LYPD1: variants seen among roughly 807,000 people sequenced by gnomAD.
LYPD1 encodes ly6/PLAUR domain-containing protein 1.
Under a neutral mutation model 14.2 loss-of-function variants are expected in LYPD1, and 14 were observed. The ratio of observed to expected loss-of-function variants is 0.99; its 90% CI spans 0.65 to 1.54. The LOEUF (loss-of-function observed/expected upper bound fraction) is 1.54. Ranked by LOEUF, LYPD1 falls within the 40% of genes most tolerant of loss-of-function variation. The pLI is 0.00. For missense variants in LYPD1, 165 were observed against 175.7 expected (o/e 0.94, Z 0.34); for synonymous variants, 85 against 70.6 (o/e 1.20, Z -1.02).
chr2:132,664,414 G>A (rs1020085818), intron 2 of LYPD1, among the ~76,000 whole-genome samples: 17 of 152,134 alleles, frequency 1.1e-4, no homozygotes, highest in Non-Finnish European at 2.2e-4. Flanking sequence ...AGCCATCCCT[G>A]CCCAACTTAA....
chr2:132,666,757 GAGA>G (rs1198798396), intron 2 of LYPD1: 3 of 152,172 alleles, frequency 2.0e-5, no homozygotes, highest in East Asian at 1.9e-4. Flanking sequence ...TACACTTTTA[GAGA>G]AGAAGAAATG....
Position 132,651,959 on chromosome 2 carries a change from C to T in LYPD1, c.191-5679G>A, listed in dbSNP as rs528060436. Among the ~76,000 whole-genome samples, 4 of 152,248 alleles carry T rather than the reference C, an allele frequency of 2.6e-5. No individual in the cohort carries two copies. The South Asian group carries it at 8.3e-4, about 32-fold the overall frequency. Reference sequence around the variant, plus strand: ...AGGTTTGGCAAAGAACACCACGGTTCGGCACAACTGCAGCAGCAACATGGG... The same window carrying T: ...AGGTTTGGCAAAGAACACCACGGTTTGGCACAACTGCAGCAGCAACATGGG... On this transcript the variant is annotated intron_variant, in intron 2 of 2. Coordinates refer to ENST00000397463, the MANE Select transcript of LYPD1 (RefSeq NM_144586.7).
Position 132,645,572 on chromosome 2 carries a change from C to T in LYPD1, c.*473G>A, listed in dbSNP as rs1265794176. 6.2e-7 allele frequency: 1 copy of T among 1,614,016 alleles called. No individual in the cohort carries two copies. Among genetic ancestry groups the T allele is most frequent in the Admixed American group, 1.7e-5 (1 of 59,984 alleles). On this transcript the variant is annotated 3_prime_UTR_variant, in exon 3 of 3. Transcript: ENST00000397463. Reference sequence around the variant, plus strand: ...TCAGGCGCGAAACCAGCCAATTCTGCTGCAGAGAATGGTTTTCAGGAGCAT... The same window carrying T: ...TCAGGCGCGAAACCAGCCAATTCTGTTGCAGAGAATGGTTTTCAGGAGCAT...
chr2:132,662,837 G>A (rs1683035604), intron 2 of LYPD1, among the ~76,000 whole-genome samples: 1 of 152,162 alleles, frequency 6.6e-6, no homozygotes, highest in Non-Finnish European at 1.5e-5. Context: ...CAATCATAGT[G>A]GGAGGAATTA....
rs933701632 is a variant in LYPD1, at chr2:132,669,532, G to T, written c.52+349C>A. 2.6e-5 allele frequency among the ~76,000 whole-genome samples: 4 copies of T among 152,128 alleles called. No homozygotes were observed. The highest frequency in any genetic ancestry group is 5.9e-5 in the Non-Finnish European group (4 of 68,010). ...GCCACTCCCACGGGGTGCCGGAGGC[G>T]CCAGACAACTTGGCAGGGTTCGGGA... is the stretch of plus-strand genomic sequence containing the variant. On this transcript the variant is annotated intron_variant, in intron 1 of 2. Coordinates refer to ENST00000397463, the MANE Select transcript of LYPD1 (RefSeq NM_144586.7). This position sits in a 1 kb window ranked among gnomAD's most constrained non-coding sequence, Gnocchi z 4.3.
upstream of LYPD1, chr2:132,671,090 G>GT (rs1459175608): frequency 1.3e-5 from 2 of 152,470 alleles, no homozygotes; most frequent in African/African-American, 4.8e-5. Context: ...GTCCTCTCCT[G>GT]AAAGGCCATC....
chr2:132,657,678 A>T (rs965013935), intron 2 of LYPD1, among the ~76,000 whole-genome samples: 1 of 152,246 alleles, frequency 6.6e-6, no homozygotes, highest in African/African-American at 2.4e-5. Flanking sequence ...TCAATGAACT[A>T]GAATTCTAGA....
chr2:132,647,344 G>C (rs916889608), intron 2 of LYPD1, among the ~76,000 whole-genome samples: 10 of 152,244 alleles, frequency 6.6e-5, no homozygotes, highest in Non-Finnish European at 1.5e-4. Context: ...CTGTATAGCA[G>C]TAAATTGGAT....
intron 2 of LYPD1, among the ~76,000 whole-genome samples, chr2:132,664,006 C>A (rs576081084): frequency 2.0e-5 from 3 of 151,812 alleles, no homozygotes; most frequent in Non-Finnish European, 4.4e-5. Flanking sequence ...TATATACAGG[C>A]AAAAATGGAA....
chr2:132,666,952 T>C (rs1339510749), intron 2 of LYPD1: 2 of 152,182 alleles, frequency 1.3e-5, no homozygotes, highest in Non-Finnish European at 2.9e-5. Flanking sequence ...TCAAGAAAGC[T>C]GCAAATATTT....
At chr2:132,660,613 C>T (rs891572054) in intron 2 of LYPD1, 1 of 152,178 alleles carries the variant, frequency 6.6e-6, no homozygotes, top group Non-Finnish European at 1.5e-5. Flanking sequence ...ACAGGTATGG[C>T]CTCTTTTGGT....
At chr2:132,660,473 T>C (rs1230689054) in intron 2 of LYPD1, 1 of 152,248 alleles carries the variant, frequency 6.6e-6, no homozygotes, top group Non-Finnish European at 1.5e-5. Context: ...CCTACAGCTC[T>C]GGCCTGTGAA....
chr2:132,661,029 C>A (rs1204064086), intron 2 of LYPD1, among the ~76,000 whole-genome samples: 1 of 152,206 alleles, frequency 6.6e-6, no homozygotes, highest in Non-Finnish European at 1.5e-5. Flanking sequence ...AGAAAACTCC[C>A]TTCTGCACCA....
chr2:132,648,201 T>A (rs1682207311), intron 2 of LYPD1, among the ~76,000 whole-genome samples: 1 of 152,258 alleles, frequency 6.6e-6, no homozygotes, highest in Non-Finnish European at 1.5e-5. Flanking sequence ...ATGAAAAACA[T>A]TAACTGGCAT....
rs753163822 is a variant in LYPD1, at chr2:132,669,847, C to G, written c.52+34G>C. ...TGGCGGGTAGATGGATTGTGCGCAC[C>G]TGGCCTCGGCTGCTGGCCTCTGGGT... On this transcript the variant is annotated intron_variant, in intron 1 of 2. Transcript: ENST00000397463. This position sits in a 1 kb window ranked among gnomAD's most constrained non-coding sequence, Gnocchi z 4.3. 9.3e-6 allele frequency: 15 copies of G among 1,610,292 alleles called. No homozygotes were observed. The South Asian group carries it at 1.5e-4, about 17-fold the overall frequency.
At chr2:132,654,910 G>A (rs923049092) in intron 2 of LYPD1, among the ~76,000 whole-genome samples, 1 of 151,888 alleles carries the variant, frequency 6.6e-6, no homozygotes. Flanking sequence ...CACCATGCCC[G>A]GTTAATTTTT....
At chr2:132,655,675 T>C (rs942081108) in intron 2 of LYPD1, among the ~76,000 whole-genome samples, 2 of 151,904 alleles carry the variant, frequency 1.3e-5, no homozygotes, top group African/African-American at 2.4e-5. Flanking sequence ...CCACCATGCC[T>C]GGCTAATTTT....
chr2:132,648,140 G>T (rs1682203635), intron 2 of LYPD1, among the ~76,000 whole-genome samples: 2 of 152,134 alleles, frequency 1.3e-5, no homozygotes, highest in Admixed American at 1.3e-4. Flanking sequence ...CTCTACATTT[G>T]CCATCCATGG....
At chr2:132,668,373 C>G in intron 2 of LYPD1, 27 bp downstream of exon 2, 2 of 1,592,472 alleles carry the variant, frequency 1.3e-6, no homozygotes, top group Non-Finnish European at 1.7e-6. Flanking sequence ...GGCTTAAGAG[C>G]GAGGGGGAGG....
Sources: gnomAD v4.1 joint callset for allele counts (sites outside exome capture counted in the v4.1 genomes callset) on GRCh38, gnomAD v4.1.1 for gene constraint, Gnocchi (gnomAD v3.1) non-coding constraint, MANE v1.5 for transcripts, NCBI Gene and HGNC (gene_info 2026-07-23, HGNC 2026-07-21) for gene names.